GALNT7: variants seen among roughly 807,000 people sequenced by gnomAD.
GALNT7 encodes the protein N-acetylgalactosaminyltransferase 7.
Under a neutral mutation model 82.1 loss-of-function variants are expected in GALNT7, and 60 were observed. The ratio of observed to expected loss-of-function variants is 0.73; its 90% confidence interval spans 0.59 to 0.91. The LOEUF (loss-of-function observed/expected upper bound fraction) is 0.91, where lower values mean the gene tolerates loss of function less well. Ranked by LOEUF, GALNT7 falls within the 40% of genes least tolerant of loss-of-function variation. GALNT7 has a pLI of 0.00. For missense variants in GALNT7, 660 were observed against 804.2 expected, an observed-to-expected ratio of 0.82 and a Z score of 2.17; for synonymous variants, 243 against 275.1, an observed-to-expected ratio of 0.88 and a Z score of 1.15.
rs1735360401 is a variant in GALNT7, at chr4:173,263,510, G to C, written c.587+15070G>C. 2.0e-5 allele frequency among the ~76,000 whole-genome samples: 3 copies of C among 152,246 alleles called. No individual in the cohort carries two copies. In the South Asian group the frequency reaches 6.2e-4, roughly 32 times the overall value. On this transcript the variant is annotated intron_variant, in intron 2 of 11. Transcript: ENST00000265000. ...CTGCACAAACATAGATGGCCGGATA[G>C]TATGAAATCCTATCTCTACACTAAT...
chr4:173,186,511 C>G (rs1290062304), intron 1 of GALNT7, among the ~76,000 whole-genome samples: 2 of 152,206 alleles, frequency 1.3e-5, no homozygotes, highest in African/African-American at 4.8e-5. Context: ...CTGGGTTTAA[C>G]TTGCACTTTT....
intron 2 of GALNT7, among the ~76,000 whole-genome samples, chr4:173,264,540 T>C (rs1735408315): frequency 6.6e-6 from 1 of 152,200 alleles, no homozygotes; most frequent in Admixed American, 6.5e-5. Context: ...TCGTCAATTT[T>C]TCTAACTTGT....
intron 1 of GALNT7, among the ~76,000 whole-genome samples, chr4:173,210,382 G>A (rs905497429): frequency 4.6e-5 from 7 of 152,170 alleles, no homozygotes; most frequent in African/African-American, 1.7e-4. Flanking sequence ...CTGAAAAATG[G>A]TCACCTTTGC....
intron 7 of GALNT7, among the ~76,000 whole-genome samples, chr4:173,303,636 G>C (rs1156399446): frequency 1.3e-5 from 2 of 152,170 alleles, no homozygotes; most frequent in African/African-American, 4.8e-5. Flanking sequence ...CCAGTTAGGA[G>C]TTTATTATAA....
chr4:173,251,994 T>A (rs1427178139), intron 2 of GALNT7, among the ~76,000 whole-genome samples: 2 of 152,314 alleles, frequency 1.3e-5, no homozygotes, highest in East Asian at 3.9e-4. Context: ...GCTTCATTCC[T>A]TTTTGAACAC....
At chr4:173,297,918 A>G in intron 5 of GALNT7, 197 bp from the exon 6 acceptor site, 1 of 1,499,990 alleles carries the variant, frequency 6.7e-7, no homozygotes, top group South Asian at 1.3e-5. Context: ...TACTATGGAA[A>G]CGTATTCCTC....
chr4:173,242,018 T>C (rs1991727), intron 1 of GALNT7, among the ~76,000 whole-genome samples: 96,049 of 152,060 alleles, frequency 0.63, 30,960 homozygotes, highest in East Asian at 0.76. Flanking sequence ...TGTTTCAATC[T>C]GTAAAGTAAC....
At chr4:173,216,621 T>C (rs1258698149) in intron 1 of GALNT7, among the ~76,000 whole-genome samples, 1 of 150,008 alleles carries the variant, frequency 6.7e-6, no homozygotes, top group African/African-American at 2.5e-5. Context: ...TGAGTGGTGG[T>C]TGTGTTCCCC....
rs1456972310 is a variant in GALNT7 at position 173,248,094 on chromosome 4, G to A, written c.241G>A (p.Asp81Asn). Residue 81 changes from aspartate (D) to asparagine (N), a missense_variant, in exon 2 of 12, where the codon GAC becomes AAC. Asp to Asn is a conservative substitution (Grantham distance 23, BLOSUM62 1). This residue lies in a region of GALNT7 where 133 missense variants were observed against 120.7 expected (regional missense o/e 1.10). Coordinates refer to ENST00000265000, the MANE Select transcript of GALNT7 (RefSeq NM_017423.3). ...PWPHVEGVEV[D>N]LESIRRINKA... ...GCCTCATGTTGAAGGAGTAGAAGTG[G>A]ACTTAGAGTCTATTAGAAGAATAAA... The A allele has an allele frequency of 1.2e-6, 2 of 1,613,534 alleles. No individual in the cohort carries two copies. The highest frequency in any genetic ancestry group is 1.3e-5 in the African/African-American group (1 of 74,900).
intron 2 of GALNT7, among the ~76,000 whole-genome samples, chr4:173,261,079 C>T (rs961260342): frequency 1.3e-5 from 2 of 152,346 alleles, no homozygotes; most frequent in African/African-American, 4.8e-5. Flanking sequence ...TTGTCGTCTA[C>T]ATTACACATT....
intron 1 of GALNT7, among the ~76,000 whole-genome samples, chr4:173,210,588 G>A (rs1282975952): frequency 1.3e-5 from 2 of 152,000 alleles, no homozygotes; most frequent in African/African-American, 4.8e-5. Flanking sequence ...CAAGCAGCTG[G>A]GACTACAGGC....
chr4:173,185,338 C>T (rs1222973911), intron 1 of GALNT7, among the ~76,000 whole-genome samples: 3 of 150,502 alleles, frequency 2.0e-5, no homozygotes, highest in African/African-American at 4.9e-5. Context: ...CACTGGGTGG[C>T]ATGTGGAATC....
intron 1 of GALNT7, among the ~76,000 whole-genome samples, chr4:173,185,794 GAA>G (rs1169503056): frequency 7.2e-5 from 11 of 152,148 alleles, no homozygotes; most frequent in Admixed American, 7.2e-4. Flanking sequence ...TGCTAGTCAA[GAA>G]AGAGATAAAT....
intron 1 of GALNT7, among the ~76,000 whole-genome samples, chr4:173,172,580 G>A (rs550235699): frequency 6.6e-6 from 1 of 152,304 alleles, no homozygotes; most frequent in Non-Finnish European, 1.5e-5. Flanking sequence ...TCACCTGATG[G>A]CCGCCTGACA....
chr4:173,229,699 A>G (rs1733964336), intron 1 of GALNT7, among the ~76,000 whole-genome samples: 1 of 152,180 alleles, frequency 6.6e-6, no homozygotes, highest in Non-Finnish European at 1.5e-5. Flanking sequence ...GAATTAAAAG[A>G]GATACGTATG....
chr4:173,206,578 TTG>T (rs1471570778), intron 1 of GALNT7, among the ~76,000 whole-genome samples: 2 of 152,204 alleles, frequency 1.3e-5, no homozygotes, highest in Non-Finnish European at 1.5e-5. Flanking sequence ...ACTTCAGTCT[TTG>T]TGAATTCAGA....
At chr4:173,239,196 C>A (rs1734332836) in intron 1 of GALNT7, among the ~76,000 whole-genome samples, 1 of 152,158 alleles carries the variant, frequency 6.6e-6, no homozygotes. Context: ...AAGGATTATT[C>A]AAATTTTAGA....
intron 2 of GALNT7, among the ~76,000 whole-genome samples, chr4:173,276,338 T>C (rs576820526): frequency 2.0e-5 from 3 of 152,290 alleles, no homozygotes; most frequent in Non-Finnish European, 2.9e-5. Context: ...TAAGGTAGAA[T>C]TATAGGCTTA....
At chr4:173,271,574 A>C (rs1209270181) in intron 2 of GALNT7, among the ~76,000 whole-genome samples, 1 of 152,094 alleles carries the variant, frequency 6.6e-6, no homozygotes, top group Non-Finnish European at 1.5e-5. Context: ...CTCCTGCCTC[A>C]GACTCCCGAG....
Sources: allele counts gnomAD v4.1 joint callset (sites outside exome capture counted in the v4.1 genomes callset), GRCh38; gene constraint gnomAD v4.1.1; regional missense constraint gnomAD v4.1.1; transcripts MANE v1.5; gene names NCBI Gene and HGNC (gene_info 2026-07-23, HGNC 2026-07-21).